The following CFAP44 variants were observed in gnomAD, a reference collection of about 807,000 sequenced individuals.
The protein encoded by CFAP44 is cilia and flagella associated protein 44.
Under a neutral mutation model 216.2 loss-of-function variants are expected in CFAP44, and 134 were observed. That is an observed-to-expected ratio of 0.62 (90% CI 0.54 to 0.72). The LOEUF (loss-of-function observed/expected upper bound fraction) is 0.72, where lower values mean the gene tolerates loss of function less well. CFAP44 is among the 30% of genes least tolerant of loss of function. The pLI, the probability that CFAP44 is intolerant of heterozygous loss-of-function variation, is 0.00. For missense variants in CFAP44, 2,035 were observed against 2,182.1 expected (o/e 0.93, Z 1.34); for synonymous variants, 700 against 727.6 (o/e 0.96, Z 0.61).
chr3:113,430,769 C>T (rs889971835), intron 2 of CFAP44, among the ~76,000 whole-genome samples: 3 of 152,098 alleles, frequency 2.0e-5, no homozygotes, highest in South Asian at 2.1e-4. Context: ...TTCTACCAAG[C>T]ATTTAAGGAA....
chr3:113,297,965 T>C (rs1261089250), intron 32 of CFAP44, among the ~76,000 whole-genome samples: 2 of 152,270 alleles, frequency 1.3e-5, no homozygotes, highest in African/African-American at 4.8e-5. Flanking sequence ...ATTCACTTTC[T>C]ATTCTATGTA....
At chr3:113,319,877 A>G (rs77187250) in intron 28 of CFAP44, among the ~76,000 whole-genome samples, 9,495 of 152,228 alleles carry the variant, frequency 0.062, 589 homozygotes, top group African/African-American at 0.15. Context: ...TAGAAATGAC[A>G]AAGATGGCAT....
intron 15 of CFAP44, among the ~76,000 whole-genome samples, chr3:113,395,150 C>A (rs981202381): frequency 1.3e-5 from 2 of 152,194 alleles, no homozygotes; most frequent in African/African-American, 4.8e-5. Context: ...GTATTATCAT[C>A]TTGGCACCTG....
At chr3:113,420,937 T>C (rs1318267188) in intron 4 of CFAP44, among the ~76,000 whole-genome samples, 1 of 152,142 alleles carries the variant, frequency 6.6e-6, no homozygotes, top group African/African-American at 2.4e-5. Flanking sequence ...TGTGTGTATA[T>C]GTATGTGTTT....
At position 113,320,416 on chromosome 3, in the gene CFAP44, T is replaced by TATATATATGATATATATTGATATATATG. The variant is rs1553753165; in HGVS notation, c.4516+6001_4516+6028dup. Among the ~76,000 whole-genome samples, 237 of 127,170 alleles carry TATATATATGATATATATTGATATATATG rather than the reference T, an allele frequency of 1.9e-3. 1 individual carries two copies. The highest frequency in any genetic ancestry group is 5.8e-3 in the African/African-American group (188 of 32,206). 83.4% of individuals were successfully genotyped at this position (127,170 alleles called of 152,430 possible). ...GAACATGGAGCAGATATATACATGA[T>TATATATATGATATATATTGATATATATG]ATATATATGATATATATTGATATAT... On this transcript the variant is annotated intron_variant, in intron 28 of 34. Coordinates refer to ENST00000393845, the MANE Select transcript of CFAP44 (RefSeq NM_001164496.2).
chr3:113,352,988 G>A (rs1347261496), intron 22 of CFAP44, among the ~76,000 whole-genome samples: 4 of 152,128 alleles, frequency 2.6e-5, no homozygotes, highest in African/African-American at 4.8e-5. Context: ...TGGATGGAGG[G>A]TCCCCAGATC....
At chr3:113,429,351 T>C (rs1935042654) in intron 2 of CFAP44, among the ~76,000 whole-genome samples, 1 of 152,184 alleles carries the variant, frequency 6.6e-6, no homozygotes, top group Non-Finnish European at 1.5e-5. Context: ...TTTATCTTTA[T>C]GAATAAATTG....
At chr3:113,314,210 A>C (rs1950066744) in intron 28 of CFAP44, among the ~76,000 whole-genome samples, 1 of 152,208 alleles carries the variant, frequency 6.6e-6, no homozygotes, top group Admixed American at 6.5e-5. Context: ...ACCCAAATAA[A>C]TTTATGCCAA....
intron 18 of CFAP44, among the ~76,000 whole-genome samples, 190 bp downstream of exon 18, chr3:113,373,221 G>T (rs1217917300): frequency 1.3e-5 from 2 of 152,082 alleles, no homozygotes; most frequent in Non-Finnish European, 1.5e-5. Context: ...AGAATATTTG[G>T]TGGGGGTATT....
chr3:113,307,804 C>T (rs919928951), intron 29 of CFAP44, among the ~76,000 whole-genome samples: 2 of 152,054 alleles, frequency 1.3e-5, no homozygotes, highest in African/African-American at 2.4e-5. Flanking sequence ...CCTGAAACCC[C>T]GTCTCTACTA....
At chr3:113,400,039 C>T in intron 12 of CFAP44, 39 bp from the exon 13 acceptor site, 8 of 1,354,498 alleles carry the variant, frequency 5.9e-6, no homozygotes, top group South Asian at 1.6e-5. Context: ...AAATTATATA[C>T]ATAATTTTTT....
rs750843046 is a variant in CFAP44 at position 113,333,475 on chromosome 3, G to A, written c.3546C>T (p.Tyr1182=). The change falls in exon 25 of 35, where the codon TAC becomes TAT. Residue 1182 remains tyrosine (Y), a synonymous_variant. Transcript: ENST00000393845. The stretch of plus-strand genomic sequence containing the variant: ...TTATTCTCATGTGCTCAGGTATCTT[G>A]TAGTCTGGGGCTGTCTTCAGATTGA... The part of the protein sequence containing the change: ...GDFNLKTAPD[Y]KIPEHMRINA... 35 of 1,536,928 alleles carry A rather than the reference G, an allele frequency of 2.3e-5. No homozygotes were observed. The highest frequency in any genetic ancestry group is 3.1e-5 in the Non-Finnish European group (35 of 1,146,858).
chr3:113,342,073 C>T (rs530721451), intron 23 of CFAP44, among the ~76,000 whole-genome samples, 155 bp from the exon 24 acceptor site: 8 of 152,314 alleles, frequency 5.3e-5, no homozygotes, highest in African/African-American at 1.9e-4. Context: ...TGGCTCTTGC[C>T]TGTAATCCCA....
intron 4 of CFAP44, among the ~76,000 whole-genome samples, chr3:113,424,590 T>C (rs1349505739): frequency 1.3e-5 from 2 of 152,210 alleles, no homozygotes; most frequent in African/African-American, 4.8e-5. Context: ...AGAGATTATA[T>C]ATGTCCATCT....
In CFAP44 at chr3:113,341,847, C is replaced by G. The variant is rs994045386; in HGVS notation, c.3334G>C (p.Glu1112Gln). The G allele has an allele frequency of 6.5e-7, 1 of 1,532,452 alleles. No individual in the cohort carries two copies. The highest frequency in any genetic ancestry group is 1.4e-5 in the African/African-American group (1 of 72,680). 94.9% of individuals were successfully genotyped at this position (1,532,452 alleles called of 1,614,324 possible). The change falls in exon 24 of 35, where the codon GAA (glutamate) becomes CAA (glutamine). Residue 1112 changes from glutamate to glutamine, a missense_variant. By Grantham distance (29) the Glu-to-Gln change is conservative (BLOSUM62 2). Transcript: ENST00000393845. ...TCAATTTGATTTTCCACGATGATTT[C>G]ACTTAGGGTTTTAGGCCGAAATTTC... Reference protein sequence around the residue: ...GKKFRPKTLSEIIVENQIEKT... With the variant: ...GKKFRPKTLSQIIVENQIEKT...
intron 3 of CFAP44, chr3:113,426,856 G>A (rs533777435): frequency 3.7e-4 from 96 of 262,574 alleles, no homozygotes; most frequent in African/African-American, 2.1e-3. Flanking sequence ...CTGAGTTCTG[G>A]TCGGTCATGG....
chr3:113,349,460 C>T (rs193263258), intron 22 of CFAP44, among the ~76,000 whole-genome samples: 20 of 152,254 alleles, frequency 1.3e-4, no homozygotes, highest in South Asian at 2.1e-4. Flanking sequence ...TTAGTCATGG[C>T]CCTCAGACAA....
intron 28 of CFAP44, among the ~76,000 whole-genome samples, chr3:113,322,379 C>A (rs974284134): frequency 6.6e-6 from 1 of 152,048 alleles, no homozygotes; most frequent in African/African-American, 2.4e-5. Context: ...AGACCAATAT[C>A]CAGAATCTAT....
intron 5 of CFAP44, among the ~76,000 whole-genome samples, chr3:113,416,865 T>C (rs1559942669): frequency 6.6e-6 from 1 of 152,220 alleles, no homozygotes; most frequent in Non-Finnish European, 1.5e-5. Flanking sequence ...ACAATTTCTT[T>C]CATTGCCATT....
Sources: allele counts gnomAD v4.1 joint callset (sites outside exome capture counted in the v4.1 genomes callset), GRCh38; gene constraint gnomAD v4.1.1; transcripts MANE v1.5; gene names NCBI Gene and HGNC (gene_info 2026-07-23, HGNC 2026-07-21).